Variants in RNF220 observed in about 807,000 individuals in gnomAD.
The protein encoded by RNF220 is ring finger protein 220.
Under a neutral mutation model 67.1 loss-of-function variants are expected in RNF220, and 7 were observed. The ratio of observed to expected loss-of-function variants is 0.10; its 90% CI spans 0.06 to 0.20. RNF220 has a LOEUF of 0.20. Among genes scored for constraint, RNF220 ranks in the 10% least tolerant of loss-of-function variants. The pLI, the probability that RNF220 is intolerant of heterozygous loss-of-function variation, is 1.00. For synonymous variants in RNF220, 270 were observed against 283.2 expected, an observed-to-expected ratio of 0.95 and a Z score of 0.47; for missense variants, 565 against 740.3, an observed-to-expected ratio of 0.76 and a Z score of 2.75.
chr1:44,462,700 T>C (rs1653895513), intron 2 of RNF220, among the ~76,000 whole-genome samples: 1 of 152,146 alleles, frequency 6.6e-6, no homozygotes, highest in Admixed American at 6.5e-5. Context: ...TGCTTCAAAA[T>C]TGTTCACATG....
intron 2 of RNF220, among the ~76,000 whole-genome samples, chr1:44,486,823 G>A (rs980630862): frequency 6.6e-6 from 1 of 152,116 alleles, no homozygotes; most frequent in Non-Finnish European, 1.5e-5. Context: ...AATGTCTCCA[G>A]GAGTCAATCT....
chr1:44,618,654 C>T (rs1557443973), intron 3 of RNF220, among the ~76,000 whole-genome samples: 1 of 152,026 alleles, frequency 6.6e-6, no homozygotes, highest in South Asian at 2.1e-4. Context: ...GAGAGTAAGC[C>T]GAACATTCAT....
At chr1:44,449,025 A>T (rs1164783805) in intron 2 of RNF220, among the ~76,000 whole-genome samples, 1 of 152,180 alleles carries the variant, frequency 6.6e-6, no homozygotes, top group African/African-American at 2.4e-5. Flanking sequence ...CCACACCTCA[A>T]TGAATCTTCC....
intron 2 of RNF220, among the ~76,000 whole-genome samples, chr1:44,588,049 C>T (rs531117783): frequency 2.0e-5 from 3 of 152,282 alleles, no homozygotes; most frequent in South Asian, 4.1e-4. Context: ...CCTCTGTACC[C>T]GCTAGAGTGA....
chr1:44,632,556 C>G (rs1644191959), intron 6 of RNF220, 171 bp downstream of exon 6: 3 of 687,790 alleles, frequency 4.4e-6, no homozygotes, highest in Admixed American at 2.3e-5. Flanking sequence ...CTCAGTTTCC[C>G]CGTCTGTCTA....
chr1:44,611,770 A>C (rs1046830347), intron 2 of RNF220, among the ~76,000 whole-genome samples: 1 of 152,096 alleles, frequency 6.6e-6, no homozygotes. Flanking sequence ...CCAAGGATGC[A>C]TTATATTTAT....
intron 2 of RNF220, among the ~76,000 whole-genome samples, chr1:44,568,921 G>C (rs1275899118): frequency 2.6e-5 from 4 of 152,020 alleles, no homozygotes; most frequent in African/African-American, 9.7e-5. Flanking sequence ...AGACAGACTG[G>C]GTCTGGGAGC....
chr1:44,646,693 C>A (rs759227372), intron 12 of RNF220, among the ~76,000 whole-genome samples: 3 of 152,174 alleles, frequency 2.0e-5, no homozygotes, highest in Non-Finnish European at 4.4e-5. Context: ...CATGAAGGTA[C>A]AACCCACCCA....
At chr1:44,635,971 C>T (rs1310444598) in intron 7 of RNF220, 59 bp from the exon 8 acceptor site, 1 of 1,612,056 alleles carries the variant, frequency 6.2e-7, no homozygotes. Context: ...TCGTTGCAGA[C>T]TGTGGGGAGC....
At chr1:44,464,164 C>G (rs1246670649) in intron 2 of RNF220, among the ~76,000 whole-genome samples, 1 of 152,206 alleles carries the variant, frequency 6.6e-6, no homozygotes, top group Non-Finnish European at 1.5e-5. Flanking sequence ...AACAAACTTA[C>G]TCAGAATTCA....
chr1:44,637,484 C>G (rs540329579), intron 8 of RNF220, among the ~76,000 whole-genome samples: 1 of 152,370 alleles, frequency 6.6e-6, no homozygotes, highest in African/African-American at 2.4e-5. Context: ...GGCAGCCACA[C>G]AGGGTCAGTT....
intron 2 of RNF220, among the ~76,000 whole-genome samples, chr1:44,584,272 C>T (rs891807359): frequency 4.6e-5 from 7 of 152,230 alleles, no homozygotes; most frequent in Admixed American, 2.6e-4. Context: ...CCACCACTTA[C>T]GTCTTCACCC....
chr1:44,421,602 C>T (rs1380149466), intron 2 of RNF220, among the ~76,000 whole-genome samples: 1 of 79,120 alleles, frequency 1.3e-5, no homozygotes, highest in East Asian at 3.8e-4. Context: ...GATGGGGGGG[C>T]TGCCTGGGGA....
intron 2 of RNF220, among the ~76,000 whole-genome samples, chr1:44,613,055 T>C (rs1643382333): frequency 6.6e-6 from 1 of 150,738 alleles, no homozygotes; most frequent in Non-Finnish European, 1.5e-5. Context: ...TCCATGGATA[T>C]GCAGGGATGT....
At chr1:44,506,340 G>T (rs1244932631) in intron 2 of RNF220, among the ~76,000 whole-genome samples, 1 of 152,270 alleles carries the variant, frequency 6.6e-6, no homozygotes, top group Non-Finnish European at 1.5e-5. Context: ...ATGGTCTTCA[G>T]TGGCCAGTGG....
In RNF220 at chr1:44,412,646, G is replaced by A. The variant is rs778076354; in HGVS notation, c.549G>A (p.Gly183=). 1.9e-6 allele frequency: 3 copies of A among 1,614,140 alleles called. No individual in the cohort carries two copies. The South Asian group carries it at 3.3e-5, about 18-fold the overall frequency. The change falls in exon 2 of 15, where the codon GGG becomes GGA. Residue 183 remains glycine, a synonymous_variant. Coordinates refer to ENST00000361799, the MANE Select transcript of RNF220 (RefSeq NM_018150.4). This position sits in a 1 kb window ranked among gnomAD's most constrained non-coding sequence, Gnocchi z 5.3. ...SPGSLKVDDT[G]KKIFAVSGLI... ...GTTCACTAAAGGTTGATGACACTGG[G>A]AAGAAGATTTTTGCTGTCTCTGGCC...
intron 1 of RNF220, among the ~76,000 whole-genome samples, chr1:44,406,048 C>CGAG: frequency 6.6e-6 from 1 of 152,266 alleles, no homozygotes; most frequent in Admixed American, 6.5e-5. Context: ...CTGGGTGGTA[C>CGAG]TCAGTGGGGA....
In RNF220 at chr1:44,535,803, C is replaced by T. The variant is rs111430943; in HGVS notation, c.626-78362C>T. 9.9e-3 allele frequency among the ~76,000 whole-genome samples: 1,500 copies of T among 152,256 alleles called. 24 individuals carry two copies. Among genetic ancestry groups the T allele is most frequent in the African/African-American group, 0.033 (1,355 of 41,518 alleles). ...GGGCCTGGCTGGGACTTCTGGTCAGCGAGCAGACCTTTGAAGAATTGGCTT... is the reference window on the plus strand; with the variant it reads ...GGGCCTGGCTGGGACTTCTGGTCAGTGAGCAGACCTTTGAAGAATTGGCTT... On this transcript the variant is annotated intron_variant, in intron 2 of 14. Transcript: ENST00000361799.
At chr1:44,433,118 T>C (rs1029350900) in intron 2 of RNF220, among the ~76,000 whole-genome samples, 2 of 151,968 alleles carry the variant, frequency 1.3e-5, no homozygotes, top group African/African-American at 2.4e-5. Flanking sequence ...TTTGTAGAGA[T>C]GGAGTTTCAC....
Sources: allele counts gnomAD v4.1 joint callset (sites outside exome capture counted in the v4.1 genomes callset), GRCh38; gene constraint gnomAD v4.1.1; non-coding constraint Gnocchi (gnomAD v3.1); transcripts MANE v1.5; gene names NCBI Gene and HGNC (gene_info 2026-07-23, HGNC 2026-07-21).